PCDHGA1: variants seen among roughly 807,000 people sequenced by gnomAD.
PCDHGA1 encodes the protein protocadherin gamma subfamily A, 1.
In PCDHGA1, 32 loss-of-function variants were observed where a neutral mutation model predicts 58.0. The observed-to-expected ratio is 0.55, with a 90% confidence interval of 0.42 to 0.74. The LOEUF (loss-of-function observed/expected upper bound fraction) is 0.74. PCDHGA1 is among the 30% of genes least tolerant of loss of function. PCDHGA1 has a pLI of 0.00. For missense variants in PCDHGA1, 1,205 were observed against 1,182.3 expected (o/e 1.02, Z -0.28); for synonymous variants, 498 against 501.1 (o/e 0.99, Z 0.08).
intron 1 of PCDHGA1, among the ~76,000 whole-genome samples, chr5:141,359,198 A>G (rs1350534068): frequency 1.3e-5 from 2 of 152,176 alleles, no homozygotes; most frequent in Non-Finnish European, 2.9e-5. Flanking sequence ...ATAACAAGTG[A>G]ATGTTGAGAG....
intron 1 of PCDHGA1, chr5:141,341,733 T>C (rs1237128733): frequency 8.8e-6 from 4 of 455,160 alleles, no homozygotes; most frequent in Non-Finnish European, 1.1e-5. Flanking sequence ...AATTTTTTCT[T>C]TGTTAAAAAT....
At chr5:141,478,442 C>G (rs1245219009) in intron 1 of PCDHGA1, 1 of 1,613,608 alleles carries the variant, frequency 6.2e-7, no homozygotes, top group Non-Finnish European at 8.5e-7. Flanking sequence ...GCTGAAGAAA[C>G]CTGGTGCAGC....
At chr5:141,439,898 C>A (rs1428014089) in intron 1 of PCDHGA1, 2 of 152,344 alleles carry the variant, frequency 1.3e-5, no homozygotes, top group African/African-American at 4.8e-5. Flanking sequence ...ACCAAGGCGA[C>A]TACTGCCTCC....
intron 1 of PCDHGA1, chr5:141,390,043 C>A (rs1022492557): frequency 1.9e-6 from 3 of 1,613,946 alleles, no homozygotes; most frequent in Non-Finnish European, 2.5e-6. Context: ...TCCAGCCCCG[C>A]CTCCTGGAGC....
intron 1 of PCDHGA1, chr5:141,423,758 G>GA: frequency 1.1e-5 from 4 of 366,840 alleles, no homozygotes; most frequent in South Asian, 8.5e-5. Flanking sequence ...TTTGGGGGGG[G>GA]GGTGGGGCGG....
Position 141,476,140 on chromosome 5 carries a change from C to G in PCDHGA1, c.2422-18667C>G. On this transcript the variant is annotated intron_variant, in intron 1 of 3. Coordinates refer to ENST00000517417, the MANE Select transcript of PCDHGA1 (RefSeq NM_018912.3). This position sits in a 1 kb window ranked among gnomAD's most constrained non-coding sequence, Gnocchi z 7.6. ...AGATGGTCCCAGAGGCCTGGAGGAGCGGACTGGTAAGCACCGGGAGGGTAG... is the reference window on the plus strand; with the variant it reads ...AGATGGTCCCAGAGGCCTGGAGGAGGGGACTGGTAAGCACCGGGAGGGTAG... The G allele has an allele frequency of 2.5e-6, 4 of 1,609,222 alleles. No individual in the cohort carries two copies. Among genetic ancestry groups the G allele is most frequent in the Non-Finnish European group, 1.7e-6 (2 of 1,178,484 alleles).
In PCDHGA1 at chr5:141,491,511, C is replaced by G. The variant is rs777448782; in HGVS notation, c.2422-3296C>G. 6.2e-7 allele frequency: 1 copy of G among 1,614,080 alleles called. No individual in the cohort carries two copies. The highest frequency in any genetic ancestry group is 8.5e-7 in the Non-Finnish European group (1 of 1,180,018). ...TGCAGGTGAGCTCGGACGGCACGCT[C>G]AAGTACATGGAGGTGACGCTGCGGC... On this transcript the variant is annotated intron_variant, in intron 1 of 3. Transcript: ENST00000517417. This position sits in a 1 kb window ranked among gnomAD's most constrained non-coding sequence, Gnocchi z 6.9.
intron 1 of PCDHGA1, chr5:141,475,801 A>G: frequency 3.2e-6 from 1 of 312,546 alleles, no homozygotes. Flanking sequence ...AGGAAGCCAA[A>G]GGAAAGTGAA....
chr5:141,345,720 C>T (rs763422738), intron 1 of PCDHGA1: 7 of 1,614,130 alleles, frequency 4.3e-6, no homozygotes, highest in East Asian at 2.2e-5. Context: ...GCCCGAGATC[C>T]TGTACCCCGC....
intron 1 of PCDHGA1, chr5:141,404,402 A>T: frequency 6.2e-7 from 1 of 1,613,850 alleles, no homozygotes; most frequent in Non-Finnish European, 8.5e-7. Context: ...TAGCAATGAG[A>T]ATTCTAGAGT....
chr5:141,497,649 C>T (rs973501351), intron 2 of PCDHGA1, among the ~76,000 whole-genome samples: 1 of 151,784 alleles, frequency 6.6e-6, no homozygotes, highest in Non-Finnish European at 1.5e-5. Context: ...AAGCGATTCT[C>T]CTGCCTCAGC....
rs1455759096 is a variant in PCDHGA1, at chr5:141,489,539, C to T, written c.2422-5268C>T. 6.2e-7 allele frequency: 1 copy of T among 1,613,980 alleles called. No individual in the cohort carries two copies. Among genetic ancestry groups the T allele is most frequent in the African/African-American group, 1.3e-5 (1 of 74,912 alleles). On this transcript the variant is annotated intron_variant, in intron 1 of 3. Coordinates refer to ENST00000517417, the MANE Select transcript of PCDHGA1 (RefSeq NM_018912.3). This position sits in a 1 kb window ranked among gnomAD's most constrained non-coding sequence, Gnocchi z 4.5. Reference sequence around the variant, plus strand: ...CGAGAAAGCCTATGTGGAGCCAGCACCAGCTGCCTGCTGCCAGTGCAGGTG... The same window carrying T: ...CGAGAAAGCCTATGTGGAGCCAGCATCAGCTGCCTGCTGCCAGTGCAGGTG...
At chr5:141,361,698 T>C (rs779293216) in intron 1 of PCDHGA1, 43 of 1,613,234 alleles carry the variant, frequency 2.7e-5, no homozygotes, top group Admixed American at 5.0e-5. Flanking sequence ...GCGCCTTCGA[T>C]CATGAGCAGC....
chr5:141,422,204 G>A lies in PCDHGA1; in HGVS notation c.2422-72603G>A, dbSNP rs185669562. On this transcript the variant is annotated intron_variant, in intron 1 of 3. Transcript: ENST00000517417. Reference sequence around the variant, plus strand: ...ATGGAAATTCAAGGCCAAGATGGTGGAGGTCTCTTTACCACCACGACGATG... The same window carrying A: ...ATGGAAATTCAAGGCCAAGATGGTGAAGGTCTCTTTACCACCACGACGATG... The A allele has an allele frequency of 1.7e-4, 269 of 1,562,138 alleles. No individual in the cohort carries two copies. The African/African-American group carries it at 3.6e-3, about 21-fold the overall frequency.
At chr5:141,372,626 C>T (rs1385028650) in intron 1 of PCDHGA1, 3 of 1,613,792 alleles carry the variant, frequency 1.9e-6, no homozygotes, top group East Asian at 2.2e-5. Context: ...CCACCTACAG[C>T]GAAAGGACTT....
chr5:141,469,565 C>T (rs1410607165), intron 1 of PCDHGA1, among the ~76,000 whole-genome samples: 1 of 152,082 alleles, frequency 6.6e-6, no homozygotes, highest in East Asian at 1.9e-4. Context: ...CAGAGTGAGA[C>T]TCTGTCTCTA....
At chr5:141,346,416 C>G in intron 1 of PCDHGA1, 1 of 1,614,234 alleles carries the variant, frequency 6.2e-7, no homozygotes, top group South Asian at 1.1e-5. Flanking sequence ...TCTGATAACT[C>G]AGGATTTACT....
intron 1 of PCDHGA1, chr5:141,394,322 G>C (rs1438978424): frequency 1.9e-6 from 3 of 1,613,842 alleles, no homozygotes; most frequent in Non-Finnish European, 2.5e-6. Context: ...CCCTGTCCTC[G>C]TATATCTCCA....
intron 1 of PCDHGA1, chr5:141,355,603 A>T: frequency 1.2e-6 from 2 of 1,614,012 alleles, no homozygotes; most frequent in South Asian, 1.1e-5. Context: ...CAGTTTTGGG[A>T]CAGAACAGAG....
Sources: gnomAD v4.1 joint callset for allele counts (sites outside exome capture counted in the v4.1 genomes callset) on GRCh38, gnomAD v4.1.1 for gene constraint, Gnocchi (gnomAD v3.1) non-coding constraint, MANE v1.5 for transcripts, NCBI Gene and HGNC (gene_info 2026-07-23, HGNC 2026-07-21) for gene names.